The following CDH13 variants were observed in gnomAD, a reference collection of about 807,000 sequenced individuals.
The protein encoded by CDH13 is cadherin 13, also known as cadherin-13.
A neutral mutation model predicts 63.8 loss-of-function variants in CDH13; 24 were observed. The observed-to-expected ratio is 0.38, with a 90% confidence interval of 0.27 to 0.53. The LOEUF (loss-of-function observed/expected upper bound fraction) is 0.53. CDH13 is among the 20% of genes least tolerant of loss of function. The pLI is 0.85. For synonymous variants in CDH13, 503 were observed against 355.3 expected (o/e 1.42, Z -4.67); for missense variants, 1,049 against 903.1 (o/e 1.16, Z -2.07).
At chr16:83,771,227 C>A (rs560723235) in intron 11 of CDH13, among the ~76,000 whole-genome samples, 2 of 152,252 alleles carry the variant, frequency 1.3e-5, no homozygotes, top group Admixed American at 6.5e-5. Context: ...TTCTGCCCTC[C>A]CTACACCAAG....
At chr16:83,750,627 A>G (rs979224804) in intron 11 of CDH13, among the ~76,000 whole-genome samples, 2 of 152,198 alleles carry the variant, frequency 1.3e-5, no homozygotes, top group African/African-American at 2.4e-5. Context: ...ATTTGAAGAC[A>G]GGCATGCACA....
Position 83,078,815 on chromosome 16 carries a change from CAG to C in CDH13, c.367-46567_367-46566del, listed in dbSNP as rs369159472. On this transcript the variant is annotated intron_variant, in intron 3 of 13. Coordinates refer to ENST00000567109, the MANE Select transcript of CDH13 (RefSeq NM_001257.5). ...TTTGGTTTTTTGGTTTTTTTTGAGA[CAG>C]AGTCTTGCTGTTGTCAGCCCGGGCT... 6.6e-5 allele frequency among the ~76,000 whole-genome samples: 10 copies of C among 152,166 alleles called. No homozygotes were observed. The South Asian group carries it at 1.9e-3, about 28-fold the overall frequency.
At chr16:82,693,059 G>A (rs770724096) in intron 1 of CDH13, among the ~76,000 whole-genome samples, 2 of 152,196 alleles carry the variant, frequency 1.3e-5, no homozygotes, top group Non-Finnish European at 2.9e-5. Context: ...CATGTAGCAA[G>A]GAGCTGGGGG....
At chr16:82,828,486 G>A (rs187863393) in intron 1 of CDH13, among the ~76,000 whole-genome samples, 1 of 152,008 alleles carries the variant, frequency 6.6e-6, no homozygotes, top group Non-Finnish European at 1.5e-5. Context: ...GAGTGTTGGC[G>A]GGCACCTGTA....
At chr16:82,767,567 G>C (rs2035101927) in intron 1 of CDH13, among the ~76,000 whole-genome samples, 1 of 152,188 alleles carries the variant, frequency 6.6e-6, no homozygotes, top group South Asian at 2.1e-4. Flanking sequence ...AACACATTGT[G>C]TGCTCCTGGT....
intron 8 of CDH13, among the ~76,000 whole-genome samples, chr16:83,633,692 C>G (rs776175168): frequency 6.6e-6 from 1 of 152,106 alleles, no homozygotes; most frequent in Admixed American, 6.5e-5. Flanking sequence ...ACTGGCTTTC[C>G]GTAGCACTTT....
intron 1 of CDH13, among the ~76,000 whole-genome samples, chr16:82,735,888 A>G (rs560662414): frequency 9.5e-4 from 145 of 152,332 alleles, no homozygotes; most frequent in African/African-American, 3.4e-3. Flanking sequence ...TACAATGTGC[A>G]TGGCTTGGCT....
chr16:82,863,757 G>A (rs1047934008), intron 2 of CDH13, among the ~76,000 whole-genome samples: 2 of 152,086 alleles, frequency 1.3e-5, no homozygotes, highest in African/African-American at 2.4e-5. Context: ...TCTGAAATTG[G>A]CTTTAAGAAG....
intron 10 of CDH13, among the ~76,000 whole-genome samples, chr16:83,711,889 C>G (rs923842285): frequency 1.2e-4 from 19 of 152,224 alleles, no homozygotes; most frequent in Non-Finnish European, 2.9e-5. Context: ...GTACCATAGA[C>G]TGAGCAGCTT....
At chr16:83,463,625 A>T (rs1469880093) in intron 6 of CDH13, among the ~76,000 whole-genome samples, 2 of 152,012 alleles carry the variant, frequency 1.3e-5, no homozygotes, top group African/African-American at 2.4e-5. Flanking sequence ...ACATAGTGAG[A>T]CCCCCATCAT....
chr16:83,233,390 C>G (rs1166069202), intron 5 of CDH13, among the ~76,000 whole-genome samples: 3 of 152,228 alleles, frequency 2.0e-5, no homozygotes, highest in Non-Finnish European at 4.4e-5. Context: ...CTTGTGCTGA[C>G]TCAACGAGTA....
chr16:83,247,399 T>C (rs1905082430), intron 5 of CDH13, among the ~76,000 whole-genome samples: 2 of 152,142 alleles, frequency 1.3e-5, no homozygotes, highest in Admixed American at 1.3e-4. Flanking sequence ...TGTACGTGCT[T>C]CAGTTTAGTG....
chr16:82,902,262 C>T (rs2041496542), intron 2 of CDH13, among the ~76,000 whole-genome samples: 3 of 152,102 alleles, frequency 2.0e-5, no homozygotes, highest in African/African-American at 7.2e-5. Flanking sequence ...TTAGGGTATT[C>T]CCCATCTAAG....
chr16:83,195,181 A>G (rs1470279068), intron 4 of CDH13, among the ~76,000 whole-genome samples: 1 of 152,150 alleles, frequency 6.6e-6, no homozygotes, highest in African/African-American at 2.4e-5. Flanking sequence ...AGAGTCCATT[A>G]TGATTGAAGT....
intron 10 of CDH13, among the ~76,000 whole-genome samples, chr16:83,743,594 A>G (rs1199051794): frequency 1.3e-5 from 2 of 152,166 alleles, no homozygotes; most frequent in African/African-American, 4.8e-5. Context: ...TATTTAATTC[A>G]GTTTTTATTT....
chr16:83,555,204 A>G (rs1035707327), intron 7 of CDH13, among the ~76,000 whole-genome samples: 3 of 152,180 alleles, frequency 2.0e-5, no homozygotes, highest in Admixed American at 1.3e-4. Flanking sequence ...TTGATATACA[A>G]TGTTTATGGA....
At chr16:83,653,988 T>TG (rs1327073979) in intron 8 of CDH13, among the ~76,000 whole-genome samples, 1 of 151,956 alleles carries the variant, frequency 6.6e-6, no homozygotes, top group African/African-American at 2.4e-5. Flanking sequence ...AACACACACA[T>TG]GGGTGGGGGA....
chr16:83,441,233 C>A (rs562817585), intron 6 of CDH13, among the ~76,000 whole-genome samples: 3 of 152,272 alleles, frequency 2.0e-5, no homozygotes, highest in Non-Finnish European at 2.9e-5. Flanking sequence ...TCAATCTCTA[C>A]CTGTTGTTCA....
chr16:83,581,463 A>G (rs780699980), intron 7 of CDH13, among the ~76,000 whole-genome samples: 1 of 152,146 alleles, frequency 6.6e-6, no homozygotes, highest in Non-Finnish European at 1.5e-5. Flanking sequence ...AAATATCCAC[A>G]TCTCCTCCTT....
Sources: allele counts gnomAD v4.1 joint callset (sites outside exome capture counted in the v4.1 genomes callset), GRCh38; gene constraint gnomAD v4.1.1; transcripts MANE v1.5; gene names NCBI Gene and HGNC (gene_info 2026-07-23, HGNC 2026-07-21).